BCAS3: variants seen among roughly 807,000 people sequenced by gnomAD.
The protein encoded by BCAS3 is BCAS4/BCAS3 fusion.
In BCAS3, 53 loss-of-function variants were observed where a neutral mutation model predicts 116.1. The ratio of observed to expected loss-of-function variants is 0.46; its 90% CI spans 0.37 to 0.57. The LOEUF is 0.57. Ranked by LOEUF, BCAS3 falls within the 20% of genes least tolerant of loss-of-function variation. The probability of loss-of-function intolerance (pLI) is 0.00; values close to 1 mark genes in which losing one functional copy is unlikely to be tolerated. For missense variants in BCAS3, 917 were observed against 1,165.4 expected, an observed-to-expected ratio of 0.79 and a Z score of 3.10; for synonymous variants, 391 against 408.2, an observed-to-expected ratio of 0.96 and a Z score of 0.51.
chr17:61,209,539 G>A (rs1313117907), intron 22 of BCAS3, among the ~76,000 whole-genome samples: 1 of 152,172 alleles, frequency 6.6e-6, no homozygotes, highest in Non-Finnish European at 1.5e-5. Context: ...CTATTTATCC[G>A]AAATGTCAAG....
chr17:60,942,596 A>C (rs1182753669), intron 13 of BCAS3, among the ~76,000 whole-genome samples: 1 of 152,148 alleles, frequency 6.6e-6, no homozygotes, highest in Non-Finnish European at 1.5e-5. Flanking sequence ...ATTTATAATA[A>C]ATGGTACCTT....
At chr17:61,284,410 G>A (rs1270661283) in intron 22 of BCAS3, among the ~76,000 whole-genome samples, 3 of 152,142 alleles carry the variant, frequency 2.0e-5, no homozygotes, top group Non-Finnish European at 2.9e-5. Flanking sequence ...GCGAGACCAC[G>A]AACCGACCGG....
chr17:60,835,397 C>A (rs575285880), intron 7 of BCAS3, among the ~76,000 whole-genome samples: 1 of 151,982 alleles, frequency 6.6e-6, no homozygotes, highest in Non-Finnish European at 1.5e-5. Context: ...CCTGATGTTA[C>A]TGAAGTCAAG....
intron 14 of BCAS3, among the ~76,000 whole-genome samples, chr17:60,959,122 TAGAA>T (rs375560209): frequency 2.6e-4 from 39 of 151,922 alleles, no homozygotes; most frequent in African/African-American, 8.9e-4. Context: ...CTGGGGAACA[TAGAA>T]AGACTCTGTC....
chr17:61,298,822 A>ATTTAT (rs374270128), intron 22 of BCAS3, among the ~76,000 whole-genome samples: 12,049 of 134,278 alleles, frequency 0.09, 721 homozygotes, highest in East Asian at 0.24. Flanking sequence ...TTATTTATTT[A>ATTTAT]TTATTATTAT....
intron 10 of BCAS3, among the ~76,000 whole-genome samples, chr17:60,892,519 G>C (rs2057235035): frequency 6.6e-6 from 1 of 152,048 alleles, no homozygotes; most frequent in Admixed American, 6.5e-5. Context: ...ATGTTGATCA[G>C]GCTGGTCTTG....
Position 61,362,596 on chromosome 17 carries a change from C to G in BCAS3, c.2426-5731C>G, listed in dbSNP as rs144419348. 5.9e-5 allele frequency: 9 copies of G among 152,348 alleles called. No individual in the cohort carries two copies. Among genetic ancestry groups the G allele is most frequent in the Non-Finnish European group, 1.3e-4 (9 of 68,044 alleles). The allele number at this position is 152,348 out of a possible 1,614,324, so 9.4% of individuals were successfully genotyped here. A position where few individuals can be genotyped will look rare whatever the true frequency, so the allele number is the denominator to read the frequency against. On this transcript the variant is annotated intron_variant, in intron 22 of 23. Transcript: ENST00000407086. This position sits in a 1 kb window ranked among gnomAD's most constrained non-coding sequence, Gnocchi z 4.4. ...AAAGCACGTGTTCCCCCAGCCTCCC[C>G]AGGAGCTACCAGCTTGCCAGCTGTC...
intron 22 of BCAS3, among the ~76,000 whole-genome samples, chr17:61,250,691 G>T (rs1297120764): frequency 6.6e-6 from 1 of 152,196 alleles, no homozygotes; most frequent in Non-Finnish European, 1.5e-5. Flanking sequence ...ACTAACCCAT[G>T]TACATGCTGT....
At chr17:60,772,386 C>T (rs1385861094) in intron 6 of BCAS3, among the ~76,000 whole-genome samples, 3 of 152,004 alleles carry the variant, frequency 2.0e-5, no homozygotes, top group African/African-American at 7.3e-5. Flanking sequence ...ATCCTTTGCC[C>T]ACTTTTTGAT....
At chr17:61,054,429 T>C (rs2069172445) in intron 19 of BCAS3, among the ~76,000 whole-genome samples, 1 of 152,196 alleles carries the variant, frequency 6.6e-6, no homozygotes, top group Admixed American at 6.5e-5. Flanking sequence ...TGCCGTGGCA[T>C]GATCACAGAT....
rs1274093686 is a variant in BCAS3, at chr17:61,105,267, A to G, written c.2425+20703A>G. 2.6e-5 allele frequency among the ~76,000 whole-genome samples: 4 copies of G among 152,148 alleles called. No homozygotes were observed. The highest frequency in any genetic ancestry group is 9.7e-5 in the African/African-American group (4 of 41,430). On this transcript the variant is annotated intron_variant, in intron 22 of 23. Transcript: ENST00000407086. This position sits in a 1 kb window ranked among gnomAD's most constrained non-coding sequence, Gnocchi z 4.3. ...AAAACCTGGCCTTTGCTTTCCTCAGACCTTTAATTTCTTTAAACTAAATGA... is the reference window on the plus strand; with the variant it reads ...AAAACCTGGCCTTTGCTTTCCTCAGGCCTTTAATTTCTTTAAACTAAATGA...
chr17:61,102,525 A>G (rs1046200952), intron 22 of BCAS3, among the ~76,000 whole-genome samples: 6 of 152,174 alleles, frequency 3.9e-5, no homozygotes, highest in Admixed American at 1.3e-4. Context: ...TAGAGAAATT[A>G]AGTACTGTAT....
At chr17:61,046,948 C>T (rs777977828) in intron 19 of BCAS3, among the ~76,000 whole-genome samples, 2 of 151,950 alleles carry the variant, frequency 1.3e-5, no homozygotes, top group Non-Finnish European at 2.9e-5. Context: ...GGAATCTCCA[C>T]TCCCCTTCCA....
Position 60,903,615 on chromosome 17 carries a change from T to C in BCAS3, c.822+912T>C, listed in dbSNP as rs916359074. 3.9e-5 allele frequency among the ~76,000 whole-genome samples: 6 copies of C among 152,210 alleles called. No individual in the cohort carries two copies. The East Asian group carries it at 1.2e-3, about 29-fold the overall frequency. On this transcript the variant is annotated intron_variant, in intron 11 of 23. Transcript: ENST00000407086. Reference sequence around the variant, plus strand: ...GGCGCATGCCGCCACGCCTGGTTTGTAGAGACAGGGTTTTGCCATGTTACG... The same window carrying C: ...GGCGCATGCCGCCACGCCTGGTTTGCAGAGACAGGGTTTTGCCATGTTACG...
chr17:61,016,739 C>A (rs1327585476), intron 16 of BCAS3, among the ~76,000 whole-genome samples: 2 of 152,128 alleles, frequency 1.3e-5, no homozygotes, highest in Non-Finnish European at 2.9e-5. Flanking sequence ...CAAGAGAAAA[C>A]CCTGTCTGGC....
At chr17:60,873,717 T>C (rs2055335177) in intron 8 of BCAS3, among the ~76,000 whole-genome samples, 1 of 152,242 alleles carries the variant, frequency 6.6e-6, no homozygotes, top group Admixed American at 6.5e-5. Flanking sequence ...AGAAATGACT[T>C]ATATTTATGA....
chr17:61,153,495 C>T (rs143529557), intron 22 of BCAS3, among the ~76,000 whole-genome samples: 7 of 152,264 alleles, frequency 4.6e-5, no homozygotes, highest in African/African-American at 1.7e-4. Context: ...AAGATGCTAG[C>T]CACATAATCT....
Position 60,947,301 on chromosome 17 carries a change from A to G in BCAS3, c.1170A>G (p.Gln390=). Residue 390 remains glutamine, a synonymous_variant, in exon 14 of 24, where the codon CAA becomes CAG. Transcript: ENST00000407086. ...QILTHPWSSS[Q]CAVHHLYTLH... ...TGACTCATCCTTGGTCCTCATCACAATGTGCTGTCCACCATCTGTATACTC... is the reference window on the plus strand; with the variant it reads ...TGACTCATCCTTGGTCCTCATCACAGTGTGCTGTCCACCATCTGTATACTC... The G allele has an allele frequency of 1.9e-6, 3 of 1,613,452 alleles. No homozygotes were observed. The highest frequency in any genetic ancestry group is 1.3e-5 in the African/African-American group (1 of 75,000).
At chr17:61,321,616 A>C (rs1048180987) in intron 22 of BCAS3, among the ~76,000 whole-genome samples, 1 of 152,186 alleles carries the variant, frequency 6.6e-6, no homozygotes, top group Admixed American at 6.5e-5. Context: ...CTTCACCCTC[A>C]GGGAACCTTG....
Sources: allele counts gnomAD v4.1 joint callset (sites outside exome capture counted in the v4.1 genomes callset), GRCh38; gene constraint gnomAD v4.1.1; non-coding constraint Gnocchi (gnomAD v3.1); transcripts MANE v1.5; gene names NCBI Gene and HGNC (gene_info 2026-07-23, HGNC 2026-07-21).